Variants in NT5E observed in about 807,000 individuals in gnomAD.
The protein encoded by NT5E is 5'-nucleotidase.
In NT5E, 53 loss-of-function variants were observed where a neutral mutation model predicts 55.1. The observed-to-expected ratio is 0.96, with a 90% CI of 0.77 to 1.21. The LOEUF is 1.21. Among genes scored for constraint, NT5E ranks in the 50% most tolerant of loss-of-function variants. The pLI, the probability that NT5E is intolerant of heterozygous loss-of-function variation, is 0.00. For synonymous variants in NT5E, 270 were observed against 278.4 expected (o/e 0.97, Z 0.30); for missense variants, 683 against 724.3 (o/e 0.94, Z 0.65).
chr6:85,482,991 A>G (rs983093728), intron 3 of NT5E, among the ~76,000 whole-genome samples: 2 of 152,220 alleles, frequency 1.3e-5, no homozygotes, highest in Non-Finnish European at 2.9e-5. Context: ...TAATATGCCA[A>G]TGACAAAAGG....
At chr6:85,480,562 GCCAGGCCTGA>G in intron 3 of NT5E, among the ~76,000 whole-genome samples, 1 of 152,274 alleles carries the variant, frequency 6.6e-6, no homozygotes, top group South Asian at 2.1e-4. Context: ...AGAGACAGCA[GCCAGGCCTGA>G]CTGGAGAGCT....
intron 3 of NT5E, among the ~76,000 whole-genome samples, chr6:85,483,868 G>GA (rs1177105673): frequency 2.0e-5 from 3 of 151,836 alleles, no homozygotes; most frequent in East Asian, 3.9e-4. Context: ...GACTTTAGGG[G>GA]AAAAAAAATA....
chr6:85,471,560 G>C (rs146176862), intron 3 of NT5E, 135 bp downstream of exon 3: 2 of 462,606 alleles, frequency 4.3e-6, no homozygotes, highest in African/African-American at 4.0e-5. Context: ...TAATATATAT[G>C]TAATATACAT....
chr6:85,494,208 G>A lies in NT5E; in HGVS notation c.*204G>A. The A allele has an allele frequency of 1.7e-6, 1 of 596,490 alleles. No individual in the cohort carries two copies. Among genetic ancestry groups the A allele is most frequent in the Non-Finnish European group, 2.9e-6 (1 of 339,310 alleles). The allele number at this position is 596,490 out of a possible 1,614,324, so 36.9% of individuals were successfully genotyped here. The stretch of plus-strand genomic sequence containing the variant: ...GTGAGTTAGAAAAAAAATTAACATA[G>A]GGCCCTATAAGGAGAAAGCCAACTA... On this transcript the variant is annotated 3_prime_UTR_variant, in exon 9 of 9. Coordinates refer to ENST00000257770, the MANE Select transcript of NT5E (RefSeq NM_002526.4).
At chr6:85,488,136 C>T (rs1451284136) in intron 5 of NT5E, among the ~76,000 whole-genome samples, 1 of 152,188 alleles carries the variant, frequency 6.6e-6, no homozygotes, top group Non-Finnish European at 1.5e-5. Context: ...ATAACAAGTC[C>T]TATGGCTGAG....
At chr6:85,488,832 C>T (rs1769722443) in intron 5 of NT5E, among the ~76,000 whole-genome samples, 1 of 150,452 alleles carries the variant, frequency 6.6e-6, no homozygotes, top group Admixed American at 6.6e-5. Context: ...CCACCTGCCA[C>T]AGCCTCCCAA....
At chr6:85,475,335 A>G (rs900213835) in intron 3 of NT5E, among the ~76,000 whole-genome samples, 2 of 152,172 alleles carry the variant, frequency 1.3e-5, no homozygotes, top group African/African-American at 4.8e-5. Context: ...TTTAAAACTC[A>G]GCTTCAAATA....
intron 3 of NT5E, among the ~76,000 whole-genome samples, chr6:85,474,079 G>C (rs1329316205): frequency 6.6e-6 from 1 of 152,158 alleles, no homozygotes; most frequent in Admixed American, 6.5e-5. Flanking sequence ...ATCTGTGGGG[G>C]ATTGGTTCTA....
chr6:85,456,076 A>T (rs1278166408), intron 1 of NT5E, among the ~76,000 whole-genome samples: 1 of 152,154 alleles, frequency 6.6e-6, no homozygotes, highest in Non-Finnish European at 1.5e-5. Flanking sequence ...TGGGCTACAG[A>T]TTGAGTTCGG....
At position 85,450,362 on chromosome 6, in the gene NT5E, G is replaced by T. The variant is rs138139831; in HGVS notation, c.223G>T (p.Glu75Ter). ...FTKVQQIRRA[E>*]PNVLLLDAGD... ...CAAGGTTCAGCAGATCCGCCGCGCC[G>T]AACCCAACGTGCTGCTGCTGGACGC... Residue 75 changes from glutamate to a stop codon, truncating the protein, a stop_gained, in exon 1 of 9, where the codon GAA becomes TAA. Coordinates refer to ENST00000257770, the MANE Select transcript of NT5E (RefSeq NM_002526.4). LOFTEE classifies it high-confidence loss of function. This position sits in a 1 kb window ranked among gnomAD's most constrained non-coding sequence, Gnocchi z 4.0. 6.6e-5 allele frequency: 105 copies of T among 1,595,632 alleles called. No individual in the cohort carries two copies. The highest frequency in any genetic ancestry group is 8.4e-5 in the Non-Finnish European group (99 of 1,172,548).
chr6:85,489,393 A>C (rs1175901120), intron 5 of NT5E, 101 bp from the exon 6 acceptor site: 6 of 801,402 alleles, frequency 7.5e-6, no homozygotes, highest in Non-Finnish European at 1.1e-5. Context: ...CAGCAGGTGA[A>C]AAGCAGCTTT....
chr6:85,452,590 C>T (rs1229490038), intron 1 of NT5E, among the ~76,000 whole-genome samples: 1 of 152,062 alleles, frequency 6.6e-6, no homozygotes, highest in Non-Finnish European at 1.5e-5. Flanking sequence ...AGATTGGGAG[C>T]GGATCACATG....
At chr6:85,471,488 C>T (rs966292473) in intron 3 of NT5E, 63 bp downstream of exon 3, 1 of 1,415,938 alleles carries the variant, frequency 7.1e-7, no homozygotes, top group African/African-American at 1.4e-5. Context: ...TCTCTTTTGC[C>T]TTTGTAACTG....
chr6:85,466,288 C>A (rs575583554), intron 1 of NT5E, among the ~76,000 whole-genome samples: 1 of 152,162 alleles, frequency 6.6e-6, no homozygotes, highest in East Asian at 1.9e-4. Context: ...AGGTGGGAAA[C>A]AAGGATTGCT....
At chr6:85,457,009 G>T (rs1000059895) in intron 1 of NT5E, among the ~76,000 whole-genome samples, 2 of 152,180 alleles carry the variant, frequency 1.3e-5, no homozygotes, top group African/African-American at 4.8e-5. Flanking sequence ...GTAAGTGCCG[G>T]CTGTACTTGC....
At chr6:85,481,612 C>T (rs1769553299) in intron 3 of NT5E, among the ~76,000 whole-genome samples, 1 of 152,130 alleles carries the variant, frequency 6.6e-6, no homozygotes, top group Non-Finnish European at 1.5e-5. Flanking sequence ...TCACATGTAG[C>T]CCTCTGGCTT....
At position 85,495,376 on chromosome 6, in the gene NT5E, A is replaced by C. The variant is rs970420894; in HGVS notation, c.*1372A>C. The C allele has an allele frequency of 6.6e-6, 1 of 152,236 alleles. No homozygotes were observed. Among genetic ancestry groups the C allele is most frequent in the African/African-American group, 2.4e-5 (1 of 41,464 alleles). The allele number at this position is 152,236 out of a possible 1,614,324, so 9.4% of individuals were successfully genotyped here. On this transcript the variant is annotated 3_prime_UTR_variant, in exon 9 of 9. Transcript: ENST00000257770. ...CTGCATAAGTAATTCAAGAAATGGG[A>C]GGCTTCACCTTAAAAACAGTGTGCA...
At chr6:85,454,577 G>A (rs746567346) in intron 1 of NT5E, among the ~76,000 whole-genome samples, 7 of 152,090 alleles carry the variant, frequency 4.6e-5, no homozygotes, top group Non-Finnish European at 1.0e-4. Context: ...ATCAATTTTA[G>A]ACATTGCAAA....
Position 85,470,532 on chromosome 6 carries a change from C to G in NT5E, c.563-705C>G, listed in dbSNP as rs141684409. Among the ~76,000 whole-genome samples the G allele has an allele frequency of 6.9e-3, 1,055 of 152,276 alleles. 11 individuals are homozygous for G. Among genetic ancestry groups the G allele is most frequent in the African/African-American group, 0.025 (1,023 of 41,556 alleles). Reference sequence around the variant, plus strand: ...GTGGTATGGTCTCGGCTCATTGCAGCCTCCGCCTGGCAGGTTCAAGACATT... The same window carrying G: ...GTGGTATGGTCTCGGCTCATTGCAGGCTCCGCCTGGCAGGTTCAAGACATT... On this transcript the variant is annotated intron_variant, in intron 2 of 8. Coordinates refer to ENST00000257770, the MANE Select transcript of NT5E (RefSeq NM_002526.4).
Sources: allele counts gnomAD v4.1 joint callset (sites outside exome capture counted in the v4.1 genomes callset), GRCh38; gene constraint gnomAD v4.1.1; non-coding constraint Gnocchi (gnomAD v3.1); transcripts MANE v1.5; gene names NCBI Gene and HGNC (gene_info 2026-07-23, HGNC 2026-07-21).